The following KCNJ6 variants were observed in gnomAD, a reference collection of about 807,000 sequenced individuals.
KCNJ6 encodes the protein G protein-activated inward rectifier potassium channel 2.
KCNJ6 carries 9 observed loss-of-function variants against 34.2 expected under a neutral mutation model. That is an observed-to-expected ratio of 0.26 (90% confidence interval 0.16 to 0.46). KCNJ6 has a LOEUF of 0.46. Among genes scored for constraint, KCNJ6 ranks in the 20% least tolerant of loss-of-function variants. KCNJ6 has a pLI of 1.00. For synonymous variants in KCNJ6, 196 were observed against 207.1 expected (o/e 0.95, Z 0.46); for missense variants, 236 against 531.3 (o/e 0.44, Z 5.46).
chr21:37,642,253 G>A (rs1313787874), intron 3 of KCNJ6, among the ~76,000 whole-genome samples: 1 of 152,144 alleles, frequency 6.6e-6, no homozygotes, highest in African/African-American at 2.4e-5. Context: ...GAGAAGGAAA[G>A]GCTGAGCAGG....
chr21:37,729,954 AG>A (rs2054875839), intron 2 of KCNJ6, among the ~76,000 whole-genome samples: 2 of 152,160 alleles, frequency 1.3e-5, no homozygotes, highest in African/African-American at 4.8e-5. Flanking sequence ...AGTGAGGCCC[AG>A]GGAAGCCAAC....
intron 1 of KCNJ6, among the ~76,000 whole-genome samples, chr21:37,848,007 CA>C (rs1262304947): frequency 2.0e-5 from 3 of 152,132 alleles, no homozygotes; most frequent in African/African-American, 4.8e-5. Flanking sequence ...CAGCAGGTCA[CA>C]GGGGGACCAA....
intron 2 of KCNJ6, among the ~76,000 whole-genome samples, chr21:37,836,729 G>A (rs2055453439): frequency 1.3e-5 from 2 of 152,190 alleles, no homozygotes; most frequent in South Asian, 4.1e-4. Context: ...TAACATACCA[G>A]GGCCTGTCAG....
intron 1 of KCNJ6, among the ~76,000 whole-genome samples, chr21:37,913,495 T>C: frequency 6.6e-6 from 1 of 152,182 alleles, no homozygotes; most frequent in Non-Finnish European, 1.5e-5. Flanking sequence ...AAACTATATC[T>C]CCACCCTCTT....
chr21:37,758,537 A>C (rs747983548), intron 2 of KCNJ6, among the ~76,000 whole-genome samples: 2 of 152,212 alleles, frequency 1.3e-5, no homozygotes, highest in Non-Finnish European at 2.9e-5. Context: ...TCGACCATTC[A>C]CAGGATTCCT....
chr21:37,819,020 C>A (rs1265441557), intron 2 of KCNJ6, among the ~76,000 whole-genome samples: 2 of 152,172 alleles, frequency 1.3e-5, no homozygotes, highest in South Asian at 2.1e-4. Flanking sequence ...TATTACTTCA[C>A]CCCTAGAACT....
intron 2 of KCNJ6, among the ~76,000 whole-genome samples, chr21:37,764,645 C>T (rs1245990153): frequency 6.6e-6 from 1 of 152,102 alleles, no homozygotes; most frequent in African/African-American, 2.4e-5. Flanking sequence ...TCCCAAGTGC[C>T]GGGATTACAG....
At chr21:37,869,156 C>T (rs2055637774) in intron 1 of KCNJ6, among the ~76,000 whole-genome samples, 1 of 152,248 alleles carries the variant, frequency 6.6e-6, no homozygotes. Flanking sequence ...GAATCACACA[C>T]TCTGGGGACA....
intron 3 of KCNJ6, among the ~76,000 whole-genome samples, chr21:37,650,664 G>C (rs2054429028): frequency 6.6e-6 from 1 of 152,194 alleles, no homozygotes; most frequent in African/African-American, 2.4e-5. Context: ...TGAAGCACCT[G>C]CTAGGCTCTT....
At chr21:37,730,938 C>A (rs1230573086) in intron 2 of KCNJ6, among the ~76,000 whole-genome samples, 1 of 152,176 alleles carries the variant, frequency 6.6e-6, no homozygotes, top group Non-Finnish European at 1.5e-5. Context: ...GGAGTATTGA[C>A]CCGTCTTACA....
At chr21:37,824,624 C>T (rs115736121) in intron 2 of KCNJ6, among the ~76,000 whole-genome samples, 2 of 152,086 alleles carry the variant, frequency 1.3e-5, no homozygotes, top group African/African-American at 4.8e-5. Flanking sequence ...CCAAGCTGTT[C>T]TTGTGATAGT....
chr21:37,792,831 T>C (rs144736996), intron 2 of KCNJ6, among the ~76,000 whole-genome samples: 31 of 152,282 alleles, frequency 2.0e-4, no homozygotes, highest in East Asian at 1.4e-3. Context: ...TCGGAAGCAC[T>C]TCATGAGAGT....
At chr21:37,653,117 T>G (rs1202982903) in intron 3 of KCNJ6, among the ~76,000 whole-genome samples, 1 of 152,098 alleles carries the variant, frequency 6.6e-6, no homozygotes, top group Non-Finnish European at 1.5e-5. Context: ...AAGGTCAATA[T>G]TTGGCTACTT....
At chr21:37,869,936 G>C (rs1289310169) in intron 1 of KCNJ6, among the ~76,000 whole-genome samples, 1 of 152,154 alleles carries the variant, frequency 6.6e-6, no homozygotes, top group Non-Finnish European at 1.5e-5. Context: ...AAGGGGTGGG[G>C]TGCTATAGAT....
chr21:37,759,517 G>A (rs1223682978), intron 2 of KCNJ6, among the ~76,000 whole-genome samples: 3 of 152,230 alleles, frequency 2.0e-5, no homozygotes, highest in Middle Eastern at 3.4e-3. Flanking sequence ...TCCCTGTGCC[G>A]CCAAGCTTGC....
chr21:37,641,507 G>A lies in KCNJ6; in HGVS notation c.947-16023C>T, dbSNP rs1286388619. Among the ~76,000 whole-genome samples the A allele has an allele frequency of 2.0e-5, 3 of 152,078 alleles. No individual in the cohort carries two copies. In the East Asian group the frequency reaches 5.8e-4, roughly 29 times the overall value. On this transcript the variant is annotated intron_variant, in intron 3 of 3. Coordinates refer to ENST00000609713, the MANE Select transcript of KCNJ6 (RefSeq NM_002240.5). The stretch of plus-strand genomic sequence containing the variant: ...AGACTGTAAAAAAGGACTGTATTTG[G>A]TCTTGTGTGCAAATTAGTAAAAATG...
At chr21:37,677,857 C>T (rs959853787) in intron 3 of KCNJ6, among the ~76,000 whole-genome samples, 1 of 151,552 alleles carries the variant, frequency 6.6e-6, no homozygotes, top group African/African-American at 2.4e-5. Context: ...ACCCATTCAT[C>T]AACCCATTCA....
At chr21:37,735,159 C>T (rs565532300) in intron 2 of KCNJ6, among the ~76,000 whole-genome samples, 1 of 152,220 alleles carries the variant, frequency 6.6e-6, no homozygotes, top group Admixed American at 6.5e-5. Flanking sequence ...CTCAGTCAAC[C>T]AGCAACAAGC....
At chr21:37,713,716 A>G (rs1255375461) in intron 3 of KCNJ6, among the ~76,000 whole-genome samples, 1 of 152,230 alleles carries the variant, frequency 6.6e-6, no homozygotes, top group African/African-American at 2.4e-5. Flanking sequence ...GAGAGATACT[A>G]GGCACTCACT....
Sources: allele counts gnomAD v4.1 joint callset (sites outside exome capture counted in the v4.1 genomes callset), GRCh38; gene constraint gnomAD v4.1.1; transcripts MANE v1.5; gene names NCBI Gene and HGNC (gene_info 2026-07-23, HGNC 2026-07-21).